Variants in ACOT9 observed in about 807,000 individuals in gnomAD.
The protein encoded by ACOT9 is acyl-coenzyme A thioesterase 9, mitochondrial.
A neutral mutation model predicts 39.7 loss-of-function variants in ACOT9; 34 were observed. That is an observed-to-expected ratio of 0.86 (90% CI 0.65 to 1.14). The LOEUF is 1.14. ACOT9 is among the 50% of genes most tolerant of loss of function. The probability of loss-of-function intolerance (pLI) is 0.00; values close to 1 mark genes in which losing one functional copy is unlikely to be tolerated. For missense variants in ACOT9, 313 were observed against 344.1 expected (o/e 0.91, Z 0.71); for synonymous variants, 110 against 120.5 (o/e 0.91, Z 0.57).
Position 23,731,001 on chromosome X carries a change from T to TGCA in ACOT9, c.192-18_192-16dup. The TGCA allele has an allele frequency of 8.3e-7, 1 of 1,198,840 alleles. No individual in the cohort carries two copies. ...TCACATGGTCTCTGAGAAGAAAGGA[T>TGCA]GCAGGATTCATAAAACAAGAGCAGT... On this transcript the variant is annotated splice_polypyrimidine_tract_variant and intron_variant, in intron 4 of 15. Coordinates refer to ENST00000379303, the MANE Select transcript of ACOT9 (RefSeq NM_001037171.2).
In ACOT9 at chrX:23,703,682, T is replaced by C; in HGVS notation, c.*212A>G. ...TGGTAGGTTCACAATTAAAATTGTCTTGAAAGTATTTATTGTTTAATAATT... is the reference window on the plus strand; with the variant it reads ...TGGTAGGTTCACAATTAAAATTGTCCTGAAAGTATTTATTGTTTAATAATT... On this transcript the variant is annotated 3_prime_UTR_variant, in exon 16 of 16. Coordinates refer to ENST00000379303, the MANE Select transcript of ACOT9 (RefSeq NM_001037171.2). The C allele has an allele frequency of 3.0e-6, 1 of 328,233 alleles. No homozygotes were observed. Among genetic ancestry groups the C allele is most frequent in the Non-Finnish European group, 5.3e-6 (1 of 187,361 alleles). 27.1% of individuals were successfully genotyped at this position (328,233 alleles called of 1,213,427 possible). A position where few individuals can be genotyped will look rare whatever the true frequency, so the allele number is the denominator to read the frequency against.
rs1407736443 is a variant in ACOT9, at chrX:23,702,060, G to A, written c.*1834C>T. 1.9e-5 allele frequency among the ~76,000 whole-genome samples: 2 copies of A among 106,932 alleles called. No homozygotes were observed. The highest frequency in any genetic ancestry group is 3.8e-5 in the Non-Finnish European group (2 of 52,127). 92.9% of individuals were successfully genotyped at this position (106,932 alleles called of 115,157 possible). A position where few individuals can be genotyped will look rare whatever the true frequency, so the allele number is the denominator to read the frequency against. On this transcript the variant is annotated 3_prime_UTR_variant, in exon 16 of 16. Transcript: ENST00000379303. ...TGCACTCCAGCTGGAGCGACAGAGT[G>A]AAACTCTGTCTCACACACACACACA...
At chrX:23,725,981 C>T (rs916737167) in intron 6 of ACOT9, among the ~76,000 whole-genome samples, 131 of 110,295 alleles carry the variant, frequency 1.2e-3, no homozygotes, top group African/African-American at 4.2e-3. Context: ...AGTGGATCAC[C>T]TGAGGTCAGA....
intron 6 of ACOT9, among the ~76,000 whole-genome samples, chrX:23,729,707 A>C (rs1344953237): frequency 5.4e-5 from 6 of 111,354 alleles, no homozygotes; most frequent in Admixed American, 4.8e-4. Context: ...TCTCGGCTCA[A>C]TGCAACCTCC....
intron 8 of ACOT9, among the ~76,000 whole-genome samples, chrX:23,717,816 G>A (rs761666699): frequency 7.9e-4 from 89 of 112,099 alleles, no homozygotes; most frequent in Non-Finnish European, 1.4e-3. Context: ...GGCTGGGGGC[G>A]GCGGCCCACG....
rs371953117 is a variant in ACOT9, at chrX:23,705,068, C to T, written c.1032G>A (p.Pro344=). ...ATACSFGGSR[P]FVVAVDDIMF... ...TGATGTCATCTACTGCTACCACAAA[C>T]GGTCGAGAACCACTGTTGGGGGAAA... Residue 344 remains proline, a synonymous_variant, in exon 14 of 16, where the codon CCG becomes CCA. Transcript: ENST00000379303. 1.6e-5 allele frequency: 19 copies of T among 1,208,624 alleles called. No homozygotes were observed. The highest frequency in any genetic ancestry group is 1.8e-5 in the South Asian group (1 of 56,394).
chrX:23,723,896 G>A lies in ACOT9; in HGVS notation c.401-1143C>T, dbSNP rs139525109. Among the ~76,000 whole-genome samples, 15 of 112,215 alleles carry A rather than the reference G, an allele frequency of 1.3e-4. 1 individual carries two copies. Among genetic ancestry groups the A allele is most frequent in the Middle Eastern group, 4.6e-3 (1 of 219 alleles). On this transcript the variant is annotated intron_variant, in intron 6 of 15. Coordinates refer to ENST00000379303, the MANE Select transcript of ACOT9 (RefSeq NM_001037171.2). ...GAAAAGACTATGAGTTAAGAAGAAG[G>A]TAAACCTGAGAAGACTTGAATAAAT...
chrX:23,712,988 G>T, intron 9 of ACOT9, 147 bp downstream of exon 9: 1 of 447,522 alleles, frequency 2.2e-6, no homozygotes, highest in Non-Finnish European at 3.8e-6. Flanking sequence ...TCTGGGATTT[G>T]CCTTAAAATA....
intron 4 of ACOT9, among the ~76,000 whole-genome samples, chrX:23,732,393 C>T (rs183658012): frequency 1.8e-5 from 2 of 111,662 alleles, no homozygotes; most frequent in Admixed American, 9.6e-5. Context: ...TGAAGATGCA[C>T]GCTGAAGTGT....
At chrX:23,710,657 C>T (rs1352474398) in intron 9 of ACOT9, among the ~76,000 whole-genome samples, 1 of 111,504 alleles carries the variant, frequency 9.0e-6, no homozygotes. Flanking sequence ...ATTTTGAGAT[C>T]AGTTTGGCCA....
chrX:23,711,656 G>T (rs1928899850), intron 9 of ACOT9, among the ~76,000 whole-genome samples: 1 of 111,729 alleles, frequency 9.0e-6, no homozygotes, highest in African/African-American at 3.2e-5. Context: ...AGACTGATGG[G>T]AAACTCAGCT....
intron 3 of ACOT9, among the ~76,000 whole-genome samples, chrX:23,733,731 C>T: frequency 9.8e-6 from 1 of 101,922 alleles, no homozygotes. Context: ...GGCGCTGTGC[C>T]ACCACACCCG....
At chrX:23,704,038 A>G in intron 15 of ACOT9, 56 bp from the exon 16 acceptor site, 3 of 982,852 alleles carry the variant, frequency 3.1e-6, no homozygotes, top group Admixed American at 4.6e-5. Context: ...GAAAACCATC[A>G]TATCATCATA....
At chrX:23,731,778 A>C (rs2146851249) in intron 4 of ACOT9, among the ~76,000 whole-genome samples, 1 of 110,392 alleles carries the variant, frequency 9.1e-6, no homozygotes, top group Admixed American at 9.9e-5. Flanking sequence ...AAAATGGACT[A>C]TATCCAAAGG....
At chrX:23,704,295 C>G (rs1360852550) in intron 15 of ACOT9, among the ~76,000 whole-genome samples, 1 of 106,978 alleles carries the variant, frequency 9.3e-6, no homozygotes, top group Non-Finnish European at 1.9e-5. Flanking sequence ...CTCAGCCTCC[C>G]GAGTAGCTGG....
intron 8 of ACOT9, among the ~76,000 whole-genome samples, chrX:23,720,171 A>C (rs901938237): frequency 4.4e-5 from 5 of 112,869 alleles, no homozygotes; most frequent in African/African-American, 1.6e-4. Context: ...GAAATCTTGG[A>C]CATACACTGA....
intron 1 of ACOT9, among the ~76,000 whole-genome samples, chrX:23,742,241 A>AGAGAGAGAGAGAGAGAGG: frequency 1.9e-5 from 1 of 52,118 alleles, no homozygotes; most frequent in Non-Finnish European, 3.1e-5. Context: ...AGAGAGGGAG[A>AGAGAGAGAGAGAGAGAGG]GAGAGAGAGA....
chrX:23,743,042 CG>C, intron 1 of ACOT9, 82 bp downstream of exon 1: 1 of 1,058,084 alleles, frequency 9.5e-7, no homozygotes. Context: ...CTTCTTCCGC[CG>C]GGGCCAGCCC....
At chrX:23,742,459 G>A (rs1303393026) in intron 1 of ACOT9, among the ~76,000 whole-genome samples, 1 of 110,731 alleles carries the variant, frequency 9.0e-6, no homozygotes, top group Non-Finnish European at 1.9e-5. Flanking sequence ...GACACGCTCT[G>A]GAGTCTAAGG....
Sources: gnomAD v4.1 joint callset for allele counts (sites outside exome capture counted in the v4.1 genomes callset) on GRCh38, gnomAD v4.1.1 for gene constraint, MANE v1.5 for transcripts, NCBI Gene and HGNC (gene_info 2026-07-23, HGNC 2026-07-21) for gene names.